FOCAD: variants seen among roughly 807,000 people sequenced by gnomAD.
FOCAD encodes focadhesin, also known as KIAA1797.
In FOCAD, 198 loss-of-function variants were observed where a neutral mutation model predicts 225.6. The ratio of observed to expected loss-of-function variants is 0.88; its 90% CI spans 0.78 to 0.99. FOCAD has a LOEUF of 0.99. Among genes scored for constraint, FOCAD ranks in the 50% least tolerant of loss-of-function variants. The pLI, the probability that FOCAD is intolerant of heterozygous loss-of-function variation, is 0.00. For synonymous variants in FOCAD, 897 were observed against 755.0 expected, an observed-to-expected ratio of 1.19 and a Z score of -3.08; for missense variants, 2,713 against 2,123.6, an observed-to-expected ratio of 1.28 and a Z score of -5.46.
intron 21 of FOCAD, among the ~76,000 whole-genome samples, chr9:20,886,011 A>G (rs922665158): frequency 6.6e-6 from 1 of 152,218 alleles, no homozygotes; most frequent in African/African-American, 2.4e-5. Flanking sequence ...ATATCTTTCT[A>G]TAACATCTTA....
Position 20,866,917 on chromosome 9 carries a change from T to TTTTTTTTTTTTTTTTAAAA in FOCAD, c.2107-12_2107-11insTTTTTTTTTTTTTTTAAAA. On this transcript the variant is annotated splice_polypyrimidine_tract_variant and intron_variant, in intron 17 of 43. Coordinates refer to ENST00000338382, the MANE Select transcript of FOCAD (RefSeq NM_001375567.1). ...TTTTTTTTTTTTTTTTTTTTTTTTTTACCCTATCTAGGACCCAATTGTAGC... is the reference window on the plus strand; with the variant it reads ...TTTTTTTTTTTTTTTTTTTTTTTTTTTTTTTTTTTTTTTTTAAAAACCCTATCTAGGACCCAATTGTAGC... The TTTTTTTTTTTTTTTTAAAA allele has an allele frequency of 2.6e-6, 2 of 764,970 alleles. No homozygotes were observed. The highest frequency in any genetic ancestry group is 4.0e-6 in the Non-Finnish European group (2 of 498,468). 47.4% of individuals were successfully genotyped at this position (764,970 alleles called of 1,614,324 possible).
Position 20,914,868 on chromosome 9 carries a change from G to C in FOCAD, c.2807+1914G>C, listed in dbSNP as rs546072848. 5.8e-4 allele frequency among the ~76,000 whole-genome samples: 88 copies of C among 152,302 alleles called. 2 individuals are homozygous for C. In the South Asian group the frequency reaches 0.018, roughly 30 times the overall value. On this transcript the variant is annotated intron_variant, in intron 23 of 43. Coordinates refer to ENST00000338382, the MANE Select transcript of FOCAD (RefSeq NM_001375567.1). Reference sequence around the variant, plus strand: ...GAGTCCGTTGCAATAATTTAGGCAAGAGATAATAGTGTTTTAGACTAGGAT... The same window carrying C: ...GAGTCCGTTGCAATAATTTAGGCAACAGATAATAGTGTTTTAGACTAGGAT...
intron 35 of FOCAD, among the ~76,000 whole-genome samples, chr9:20,974,161 T>C (rs1323673296): frequency 7.0e-6 from 1 of 143,474 alleles, no homozygotes; most frequent in Non-Finnish European, 1.5e-5. Flanking sequence ...TCTGTAGCTG[T>C]TTTTTTCCTG....
In FOCAD at chr9:20,810,738, G is replaced by T. The variant is rs78171527; in HGVS notation, c.1456-9058G>T. 1.7e-3 allele frequency among the ~76,000 whole-genome samples: 259 copies of T among 152,038 alleles called. 2 individuals are homozygous for T. In the East Asian group the frequency reaches 0.042, roughly 25 times the overall value. ...AGTTTTCTGACTCTGAGAGATAATA[G>T]TCAGATGGCTAATGAGACTCACCTG... On this transcript the variant is annotated intron_variant, in intron 11 of 43. Transcript: ENST00000338382.
chr9:20,682,702 T>C (rs1822435846), upstream of FOCAD, among the ~76,000 whole-genome samples: 1 of 152,138 alleles, frequency 6.6e-6, no homozygotes, highest in African/African-American at 2.4e-5. Context: ...AAAAGGGAAT[T>C]ATAAGCCTTA....
chr9:20,976,620 G>T, intron 36 of FOCAD, 72 bp downstream of exon 36: 1 of 1,466,320 alleles, frequency 6.8e-7, no homozygotes, highest in Non-Finnish European at 9.5e-7. Flanking sequence ...AACAGATTCT[G>T]TGTCACAATG....
chr9:20,739,300 A>C (rs1464902809), intron 4 of FOCAD, among the ~76,000 whole-genome samples: 1 of 152,228 alleles, frequency 6.6e-6, no homozygotes, highest in East Asian at 1.9e-4. Context: ...TAACAAGCAT[A>C]ATTAAACAAT....
chr9:20,801,692 A>C (rs1020524939), intron 11 of FOCAD, among the ~76,000 whole-genome samples: 2 of 152,148 alleles, frequency 1.3e-5, no homozygotes, highest in African/African-American at 4.8e-5. Flanking sequence ...TTAGTTCTTT[A>C]CTTTGTGAAC....
At chr9:20,685,475 C>T (rs1822609452) in intron 1 of FOCAD, among the ~76,000 whole-genome samples, 1 of 152,194 alleles carries the variant, frequency 6.6e-6, no homozygotes, top group Admixed American at 6.5e-5. Flanking sequence ...TGTCCACATT[C>T]ACTTTTTGAC....
chr9:20,776,379 G>C (rs1818756829), intron 8 of FOCAD, among the ~76,000 whole-genome samples: 1 of 152,210 alleles, frequency 6.6e-6, no homozygotes, highest in Non-Finnish European at 1.5e-5. Flanking sequence ...TGTAGCATTT[G>C]AAGTGTGCAA....
chr9:20,820,152 G>T (rs186095625), intron 12 of FOCAD, 172 bp from the exon 13 acceptor site: 7 of 549,936 alleles, frequency 1.3e-5, no homozygotes, highest in African/African-American at 1.2e-4. Flanking sequence ...CCCCAGGATT[G>T]TTATCTAGCC....
Position 20,881,888 on chromosome 9 carries a change from A to G in FOCAD, c.2335A>G (p.Thr779Ala), listed in dbSNP as rs200634680. 7.7e-5 allele frequency: 124 copies of G among 1,612,174 alleles called. 1 individual carries two copies. The East Asian group carries it at 2.4e-3, about 31-fold the overall frequency. Residue 779 changes from threonine to alanine, a missense_variant, in exon 20 of 44, where the codon ACA (threonine) becomes GCA (alanine). By Grantham distance (58) the Thr-to-Ala change is moderately conservative. Coordinates refer to ENST00000338382, the MANE Select transcript of FOCAD (RefSeq NM_001375567.1). ...LVLPALEEFF[T>A]SLVKQEMVNM... ...TCTTTTAGCTTTGGAGGAATTTTTT[A>G]CATCACTTGTGAAGCAAGAAATGGT... is the stretch of plus-strand genomic sequence containing the variant.
chr9:20,967,931 C>CT (rs1839411331), intron 35 of FOCAD, among the ~76,000 whole-genome samples: 1 of 151,872 alleles, frequency 6.6e-6, no homozygotes, highest in African/African-American at 2.4e-5. Flanking sequence ...TCTGGTTTTC[C>CT]TTTTTTATGA....
intron 35 of FOCAD, among the ~76,000 whole-genome samples, chr9:20,955,546 A>G (rs1838060062): frequency 7.0e-6 from 1 of 143,180 alleles, no homozygotes; most frequent in African/African-American, 2.6e-5. Context: ...TTGCTATACC[A>G]TGTGACATTC....
At chr9:20,968,057 G>A (rs1839424830) in intron 35 of FOCAD, among the ~76,000 whole-genome samples, 2 of 152,128 alleles carry the variant, frequency 1.3e-5, no homozygotes, top group South Asian at 4.1e-4. Context: ...GTGTCCGGGA[G>A]AATTCACCAA....
At chr9:20,867,052 C>A in intron 18 of FOCAD, 40 bp downstream of exon 18, 1 of 1,356,192 alleles carries the variant, frequency 7.4e-7, no homozygotes, top group Non-Finnish European at 1.0e-6. Context: ...TCTTAATTTG[C>A]TAGGGTTTAC....
intron 15 of FOCAD, among the ~76,000 whole-genome samples, chr9:20,850,969 C>T (rs1353403325): frequency 6.6e-6 from 1 of 150,902 alleles, no homozygotes; most frequent in Non-Finnish European, 1.5e-5. Flanking sequence ...CTGACCTCCT[C>T]CTGCAAAGCG....
intron 13 of FOCAD, 77 bp downstream of exon 13, chr9:20,820,502 C>G: frequency 7.7e-7 from 1 of 1,294,014 alleles, no homozygotes; most frequent in Non-Finnish European, 1.1e-6. Context: ...TCATATATGG[C>G]AATGCTTTGG....
At chr9:20,859,005 A>G (rs1053383372) in intron 15 of FOCAD, among the ~76,000 whole-genome samples, 1 of 151,906 alleles carries the variant, frequency 6.6e-6, no homozygotes, top group Non-Finnish European at 1.5e-5. Context: ...GGTCTATCAT[A>G]TAGTCTGTCC....
Sources: gnomAD v4.1 joint callset for allele counts (sites outside exome capture counted in the v4.1 genomes callset) on GRCh38, gnomAD v4.1.1 for gene constraint, MANE v1.5 for transcripts, NCBI Gene and HGNC (gene_info 2026-07-23, HGNC 2026-07-21) for gene names.